The following GABBR2 variants were observed in gnomAD, a reference collection of about 807,000 sequenced individuals.
GABBR2 encodes the protein gamma-aminobutyric acid type B receptor subunit 2, also known as G-protein coupled receptor 51.
A neutral mutation model predicts 105.6 loss-of-function variants in GABBR2; 23 were observed. The observed-to-expected ratio is 0.22, with a 90% CI of 0.16 to 0.31. GABBR2 has a LOEUF of 0.31. Among genes scored for constraint, GABBR2 ranks in the 10% least tolerant of loss-of-function variants. The pLI is 1.00. For missense variants in GABBR2, 734 were observed against 1,245.5 expected, an observed-to-expected ratio of 0.59 and a Z score of 6.18; for synonymous variants, 478 against 499.7, an observed-to-expected ratio of 0.96 and a Z score of 0.58.
rs943520108 is a variant in GABBR2, at chr9:98,708,646, A to AGCG, written c.89_91dup (p.Pro30dup). The AGCG allele has an allele frequency of 8.1e-7, 1 of 1,240,106 alleles. No homozygotes were observed. Among genetic ancestry groups the AGCG allele is most frequent in the African/African-American group, 1.6e-5 (1 of 63,616 alleles). 76.8% of individuals were successfully genotyped at this position (1,240,106 alleles called of 1,614,324 possible). On this transcript the variant is annotated inframe_insertion, in exon 1 of 19. Transcript: ENST00000259455. ...GGCCCCGGGCGCCAGAGGCAGCAGC[A>AGCG]GCGGCAGCAGCAGTAGCAGTAGCAG...
intron 3 of GABBR2, among the ~76,000 whole-genome samples, chr9:98,536,339 CTG>C (rs1171313124): frequency 6.6e-6 from 1 of 152,118 alleles, no homozygotes; most frequent in Non-Finnish European, 1.5e-5. Context: ...GAAAGGGAAA[CTG>C]AGACCCAGAG....
rs185566741 is a variant in GABBR2, at chr9:98,667,129, T to A, written c.321+41288A>T. Among the ~76,000 whole-genome samples the A allele has an allele frequency of 6.2e-4, 95 of 152,216 alleles. No homozygotes were observed. In the East Asian group the frequency reaches 0.012, roughly 20 times the overall value. On this transcript the variant is annotated intron_variant, in intron 1 of 18. Coordinates refer to ENST00000259455, the MANE Select transcript of GABBR2 (RefSeq NM_005458.8). Reference sequence around the variant, plus strand: ...CAGCCCACCCAGTAAGCCATTTAAATCAGCAGAGATGCTGGGGAATATAGA... The same window carrying A: ...CAGCCCACCCAGTAAGCCATTTAAAACAGCAGAGATGCTGGGGAATATAGA...
intron 11 of GABBR2, among the ~76,000 whole-genome samples, chr9:98,382,282 G>A (rs1380542864): frequency 1.3e-5 from 2 of 152,140 alleles, no homozygotes; most frequent in African/African-American, 4.8e-5. Context: ...TCTCAGGGAT[G>A]CCACTGAGAA....
intron 7 of GABBR2, among the ~76,000 whole-genome samples, chr9:98,417,240 C>T (rs888493310): frequency 4.6e-5 from 7 of 152,104 alleles, no homozygotes; most frequent in African/African-American, 1.7e-4. Flanking sequence ...GGAAGAGCTA[C>T]GAAGGAGAGA....
At chr9:98,613,505 G>A (rs1390310214) in intron 1 of GABBR2, among the ~76,000 whole-genome samples, 1 of 151,912 alleles carries the variant, frequency 6.6e-6, no homozygotes, top group Non-Finnish European at 1.5e-5. Flanking sequence ...CTGGCCTTGT[G>A]ACTTGATGTG....
At chr9:98,595,862 C>T (rs1829227458) in intron 1 of GABBR2, among the ~76,000 whole-genome samples, 2 of 152,076 alleles carry the variant, frequency 1.3e-5, no homozygotes, top group Non-Finnish European at 2.9e-5. Context: ...ATCTGGGTCT[C>T]CTCCCACAGC....
chr9:98,489,663 T>A (rs767067419), intron 4 of GABBR2, among the ~76,000 whole-genome samples: 2 of 152,170 alleles, frequency 1.3e-5, no homozygotes, highest in Non-Finnish European at 2.9e-5. Flanking sequence ...TATCAACTAC[T>A]GATTTTTCAG....
At chr9:98,426,429 G>A (rs1001435309) in intron 7 of GABBR2, among the ~76,000 whole-genome samples, 1 of 152,210 alleles carries the variant, frequency 6.6e-6, no homozygotes, top group Non-Finnish European at 1.5e-5. Context: ...TGAGGGCAAG[G>A]AGTACTGGCT....
intron 1 of GABBR2, among the ~76,000 whole-genome samples, chr9:98,608,961 A>G (rs989252703): frequency 2.0e-5 from 3 of 152,244 alleles, no homozygotes; most frequent in Non-Finnish European, 4.4e-5. Context: ...AAAATTGTGA[A>G]GCTAATGACC....
intron 3 of GABBR2, among the ~76,000 whole-genome samples, chr9:98,528,550 T>G (rs916352746): frequency 9.9e-5 from 15 of 152,036 alleles, no homozygotes; most frequent in South Asian, 2.1e-4. Context: ...TGGAGAAATA[T>G]CTTAACAAAT....
chr9:98,307,850 A>G (rs1251957226), intron 14 of GABBR2, among the ~76,000 whole-genome samples: 1 of 152,226 alleles, frequency 6.6e-6, no homozygotes, highest in Admixed American at 6.5e-5. Context: ...TTATACAAGC[A>G]TGATTGTTTT....
chr9:98,595,896 CAGG>C (rs1453105215), intron 1 of GABBR2, among the ~76,000 whole-genome samples: 1 of 152,176 alleles, frequency 6.6e-6, no homozygotes, highest in Non-Finnish European at 1.5e-5. Flanking sequence ...TCCCCAGCCA[CAGG>C]TCCCCAAACC....
chr9:98,357,401 A>C (rs1434128604), intron 13 of GABBR2, among the ~76,000 whole-genome samples: 1 of 152,200 alleles, frequency 6.6e-6, no homozygotes, highest in Admixed American at 6.5e-5. Flanking sequence ...TCATCGCGGC[A>C]CTTTGGGAGG....
chr9:98,503,769 G>T (rs1378225646), intron 3 of GABBR2, among the ~76,000 whole-genome samples: 1 of 152,118 alleles, frequency 6.6e-6, no homozygotes, highest in Non-Finnish European at 1.5e-5. Flanking sequence ...CTTTCAGGAG[G>T]TTGTGGTTAG....
At chr9:98,339,756 T>C (rs1290494837) in intron 13 of GABBR2, among the ~76,000 whole-genome samples, 1 of 152,224 alleles carries the variant, frequency 6.6e-6, no homozygotes, top group Non-Finnish European at 1.5e-5. Flanking sequence ...GTTGAGGATA[T>C]AGCAGTGAAT....
chr9:98,677,291 G>GC (rs1209168645), intron 1 of GABBR2, among the ~76,000 whole-genome samples: 4 of 152,190 alleles, frequency 2.6e-5, no homozygotes, highest in Non-Finnish European at 5.9e-5. Context: ...ACACTGGCCA[G>GC]CCCCCAGACA....
chr9:98,316,292 C>T (rs931897487), intron 13 of GABBR2, among the ~76,000 whole-genome samples: 3 of 152,124 alleles, frequency 2.0e-5, no homozygotes, highest in Admixed American at 6.6e-5. Flanking sequence ...GCTGGGATTA[C>T]AGGCATGCGC....
chr9:98,421,027 T>C (rs1832774234), intron 7 of GABBR2, among the ~76,000 whole-genome samples: 2 of 152,228 alleles, frequency 1.3e-5, no homozygotes, highest in African/African-American at 4.8e-5. Context: ...ATGGTTTTGG[T>C]TCAAAAACAA....
chr9:98,482,952 C>T (rs372937300), intron 4 of GABBR2, among the ~76,000 whole-genome samples: 46 of 152,194 alleles, frequency 3.0e-4, no homozygotes, highest in African/African-American at 1.1e-3. Context: ...CCATCACTCT[C>T]CCTGGGCCAC....
Sources: gnomAD v4.1 joint callset for allele counts (sites outside exome capture counted in the v4.1 genomes callset) on GRCh38, gnomAD v4.1.1 for gene constraint, MANE v1.5 for transcripts, NCBI Gene and HGNC (gene_info 2026-07-23, HGNC 2026-07-21) for gene names.